AGBL4: variants seen among roughly 807,000 people sequenced by gnomAD.
The protein encoded by AGBL4 is cytosolic carboxypeptidase 6.
In AGBL4, 58 loss-of-function variants were observed where a neutral mutation model predicts 66.4. That is an observed-to-expected ratio of 0.87 (90% CI 0.71 to 1.09). The LOEUF is 1.09. AGBL4 is among the 50% of genes least tolerant of loss of function. The pLI is 0.00. For missense variants in AGBL4, 579 were observed against 631.0 expected (o/e 0.92, Z 0.88); for synonymous variants, 234 against 222.9 (o/e 1.05, Z -0.44).
At chr1:48,884,525 T>C (rs888534951) in intron 5 of AGBL4, among the ~76,000 whole-genome samples, 1 of 152,220 alleles carries the variant, frequency 6.6e-6, no homozygotes, top group Non-Finnish European at 1.5e-5. Context: ...AAATCTTTTC[T>C]TCCCTGAGCC....
chr1:49,245,941 G>A, intron 3 of AGBL4, 77 bp from the exon 4 acceptor site: 1 of 1,138,022 alleles, frequency 8.8e-7, no homozygotes, highest in Non-Finnish European at 1.3e-6. Flanking sequence ...CAGGAAATAA[G>A]AAACAGGGTT....
intron 7 of AGBL4, among the ~76,000 whole-genome samples, chr1:48,658,415 G>A (rs1048802824): frequency 6.6e-6 from 1 of 152,224 alleles, no homozygotes; most frequent in Admixed American, 6.5e-5. Flanking sequence ...TTGGCCCAGT[G>A]TGTGATGTGC....
At position 49,664,906 on chromosome 1, in the gene AGBL4, A is replaced by G. The variant is rs564776671; in HGVS notation, c.282+32407T>C. Among the ~76,000 whole-genome samples, 4 of 152,254 alleles carry G rather than the reference A, an allele frequency of 2.6e-5. No individual in the cohort carries two copies. The South Asian group carries it at 8.3e-4, about 31-fold the overall frequency. On this transcript the variant is annotated intron_variant, in intron 3 of 13. Coordinates refer to ENST00000371839, the MANE Select transcript of AGBL4 (RefSeq NM_032785.4). ...AGTTAGGTGCTATATGCTAAATCTA[A>G]TGAAGATATAAATTCAGAAGCATCT...
intron 2 of AGBL4, among the ~76,000 whole-genome samples, chr1:49,756,104 A>AT (rs1176975596): frequency 1.3e-5 from 2 of 152,098 alleles, no homozygotes; most frequent in Non-Finnish European, 2.9e-5. Flanking sequence ...AATTAAAAAA[A>AT]TTTTTTTGAA....
intron 5 of AGBL4, among the ~76,000 whole-genome samples, chr1:48,870,547 C>T (rs908942107): frequency 2.0e-5 from 3 of 152,258 alleles, no homozygotes; most frequent in Non-Finnish European, 2.9e-5. Flanking sequence ...CTTTCTTTTC[C>T]AAGACTTTTC....
chr1:49,489,111 C>CCGTT (rs1452237888), intron 3 of AGBL4, among the ~76,000 whole-genome samples: 2 of 151,564 alleles, frequency 1.3e-5, no homozygotes, highest in East Asian at 1.9e-4. Context: ...AACTTCTAAG[C>CCGTT]TGTTCTCTAT....
chr1:48,719,144 T>C (rs1441143557), intron 6 of AGBL4, among the ~76,000 whole-genome samples: 3 of 152,122 alleles, frequency 2.0e-5, no homozygotes, highest in African/African-American at 7.2e-5. Flanking sequence ...GACAGAGACA[T>C]GTACAAACCT....
At chr1:48,865,239 G>A (rs1373297682) in intron 6 of AGBL4, among the ~76,000 whole-genome samples, 2 of 152,110 alleles carry the variant, frequency 1.3e-5, no homozygotes, top group Non-Finnish European at 2.9e-5. Flanking sequence ...CTTTTGACAT[G>A]GAATAGAGTC....
chr1:49,342,222 T>A (rs534679057), intron 3 of AGBL4, among the ~76,000 whole-genome samples: 3 of 152,316 alleles, frequency 2.0e-5, no homozygotes, highest in African/African-American at 7.2e-5. Flanking sequence ...TAAACGTCAC[T>A]GCTTGTCTCT....
intron 3 of AGBL4, among the ~76,000 whole-genome samples, chr1:49,525,979 CT>C (rs1477910982): frequency 6.6e-6 from 1 of 151,824 alleles, no homozygotes; most frequent in Admixed American, 6.6e-5. Context: ...GTAGTCCCAG[CT>C]ACTCGGGAGG....
chr1:49,837,338 G>A (rs1645878471), intron 2 of AGBL4, among the ~76,000 whole-genome samples: 1 of 152,174 alleles, frequency 6.6e-6, no homozygotes, highest in Non-Finnish European at 1.5e-5. Context: ...AAACTTCCTG[G>A]CAGCTTTGTT....
intron 2 of AGBL4, among the ~76,000 whole-genome samples, chr1:49,720,303 CA>C (rs1428517868): frequency 6.6e-6 from 1 of 151,986 alleles, no homozygotes; most frequent in African/African-American, 2.4e-5. Context: ...TTGGGGTGCT[CA>C]ACAGTAAGTA....
At chr1:48,866,606 A>G (rs577485843) in intron 6 of AGBL4, among the ~76,000 whole-genome samples, 2 of 152,332 alleles carry the variant, frequency 1.3e-5, no homozygotes, top group African/African-American at 4.8e-5. Flanking sequence ...CCTCTCTGAA[A>G]GAATTAAACT....
chr1:49,250,116 T>A (rs1156318096), intron 3 of AGBL4, among the ~76,000 whole-genome samples: 4 of 152,110 alleles, frequency 2.6e-5, no homozygotes, highest in Non-Finnish European at 5.9e-5. Flanking sequence ...GGTACAAAAA[T>A]ACAGATGGAT....
intron 2 of AGBL4, among the ~76,000 whole-genome samples, chr1:49,741,288 C>G (rs1490885630): frequency 2.0e-5 from 3 of 152,162 alleles, no homozygotes; most frequent in African/African-American, 7.2e-5. Context: ...CGAAAATGAA[C>G]TAGAAAATCT....
At chr1:49,182,094 T>C (rs1281476322) in intron 4 of AGBL4, among the ~76,000 whole-genome samples, 1 of 152,186 alleles carries the variant, frequency 6.6e-6, no homozygotes, top group Non-Finnish European at 1.5e-5. Context: ...CAAAAAATCC[T>C]GGGCATATTA....
intron 1 of AGBL4, among the ~76,000 whole-genome samples, chr1:49,913,804 A>G (rs4926545): frequency 0.68 from 103,905 of 152,108 alleles, 36,223 homozygotes; most frequent in African/African-American, 0.77. Flanking sequence ...AGAGCAGTGT[A>G]TTGAGCCACA....
intron 5 of AGBL4, among the ~76,000 whole-genome samples, chr1:48,914,623 A>G (rs11205570): frequency 0.017 from 2,648 of 152,288 alleles, 78 homozygotes; most frequent in African/African-American, 0.057. Flanking sequence ...TATGTTTATA[A>G]AATGTTCTTT....
chr1:49,924,852 A>G (rs1652603052), intron 1 of AGBL4, among the ~76,000 whole-genome samples: 1 of 152,192 alleles, frequency 6.6e-6, no homozygotes, highest in Non-Finnish European at 1.5e-5. Context: ...ACCAAAATTG[A>G]CACAGCAACT....
Sources: gnomAD v4.1 joint callset for allele counts (sites outside exome capture counted in the v4.1 genomes callset) on GRCh38, gnomAD v4.1.1 for gene constraint, MANE v1.5 for transcripts, NCBI Gene and HGNC (gene_info 2026-07-23, HGNC 2026-07-21) for gene names.